The following GLIS3 variants were observed in gnomAD, a reference collection of about 807,000 sequenced individuals.
GLIS3 encodes GLIS family zinc finger 3.
In GLIS3, 53 loss-of-function variants were observed where a neutral mutation model predicts 78.6. The ratio of observed to expected loss-of-function variants is 0.67; its 90% CI spans 0.54 to 0.85. The LOEUF (loss-of-function observed/expected upper bound fraction) is 0.85. Among genes scored for constraint, GLIS3 ranks in the 40% least tolerant of loss-of-function variants. The pLI is 0.00. For synonymous variants in GLIS3, 684 were observed against 509.9 expected (o/e 1.34, Z -4.60); for missense variants, 1,703 against 1,231.1 (o/e 1.38, Z -5.74).
intron 4 of GLIS3, among the ~76,000 whole-genome samples, chr9:4,090,132 CCCTAAAACCCATTTT>C (rs1829374413): frequency 6.6e-6 from 1 of 152,104 alleles, no homozygotes; most frequent in Admixed American, 6.5e-5. Context: ...TGGATCCCAT[CCCTAAAACCCATTTT>C]AGGCAGAGTT....
intron 4 of GLIS3, chr9:4,306,116 A>G (rs1817221607): frequency 6.6e-6 from 1 of 152,014 alleles, no homozygotes; most frequent in Admixed American, 6.6e-5. Context: ...ATCTTGCTTT[A>G]TCACCCAAAC....
the GLIS3 span, among the ~76,000 whole-genome samples, chr9:4,433,216 G>A: frequency 6.6e-6 from 1 of 152,188 alleles, no homozygotes; most frequent in Non-Finnish European, 1.5e-5. Flanking sequence ...CAGATCACCT[G>A]AGGTCAGGAG....
intron 2 of GLIS3, among the ~76,000 whole-genome samples, chr9:4,167,538 C>T (rs970129414): frequency 6.6e-6 from 1 of 152,144 alleles, no homozygotes; most frequent in African/African-American, 2.4e-5. Flanking sequence ...ATTCTCCATG[C>T]CTGACAGAGT....
intron 2 of GLIS3, among the ~76,000 whole-genome samples, chr9:4,346,184 A>G (rs542773677): frequency 6.6e-6 from 1 of 152,352 alleles, no homozygotes; most frequent in Non-Finnish European, 1.5e-5. Context: ...TATGAAAACT[A>G]GAGGTTTTAC....
upstream of GLIS3, among the ~76,000 whole-genome samples, chr9:4,301,517 C>G (rs552538185): frequency 1.3e-5 from 2 of 152,224 alleles, no homozygotes; most frequent in Admixed American, 6.5e-5. Flanking sequence ...TCCTCATTAA[C>G]TCCAGCCTTA....
chr9:4,477,974 A>G, the GLIS3 span, among the ~76,000 whole-genome samples: 1 of 152,228 alleles, frequency 6.6e-6, no homozygotes, highest in Non-Finnish European at 1.5e-5. Flanking sequence ...GTCCACTGAA[A>G]AGGCCCAGAA....
chr9:4,344,759 C>T (rs1366971173), intron 2 of GLIS3, among the ~76,000 whole-genome samples: 1 of 152,112 alleles, frequency 6.6e-6, no homozygotes, highest in Non-Finnish European at 1.5e-5. Context: ...AAAATAGGTC[C>T]CTTACCACAA....
the GLIS3 span, among the ~76,000 whole-genome samples, chr9:4,479,599 C>A: frequency 4.0e-5 from 6 of 148,824 alleles, no homozygotes; most frequent in Non-Finnish European, 9.0e-5. Flanking sequence ...GCTCTCAAGT[C>A]AGCACCCCTG....
At chr9:4,129,126 T>C (rs1016194427) in intron 2 of GLIS3, among the ~76,000 whole-genome samples, 21 of 152,220 alleles carry the variant, frequency 1.4e-4, no homozygotes, top group Admixed American at 4.6e-4. Context: ...CTGTGCTCAA[T>C]ACAGCCATCT....
At chr9:4,066,928 G>C (rs542278042) in intron 4 of GLIS3, among the ~76,000 whole-genome samples, 3 of 152,208 alleles carry the variant, frequency 2.0e-5, no homozygotes, top group Non-Finnish European at 4.4e-5. Context: ...CTGACACCCA[G>C]GCAGGGAGCT....
intron 4 of GLIS3, among the ~76,000 whole-genome samples, chr9:4,013,261 C>G (rs1455720806): frequency 6.6e-6 from 1 of 152,188 alleles, no homozygotes; most frequent in African/African-American, 2.4e-5. Context: ...AGCTTAAAGA[C>G]TTACGTGACA....
At chr9:3,960,118 C>T (rs886171478) in intron 4 of GLIS3, among the ~76,000 whole-genome samples, 2 of 152,138 alleles carry the variant, frequency 1.3e-5, no homozygotes, top group South Asian at 4.1e-4. Flanking sequence ...GCCTGGGCAA[C>T]AGAGCAAGAC....
chr9:4,033,282 C>G (rs920173355), intron 4 of GLIS3, among the ~76,000 whole-genome samples: 1 of 152,144 alleles, frequency 6.6e-6, no homozygotes, highest in Non-Finnish European at 1.5e-5. Flanking sequence ...AAGGGTATTT[C>G]TCCCTCACCC....
chr9:4,269,675 T>A (rs1826330643), intron 2 of GLIS3, among the ~76,000 whole-genome samples: 1 of 152,218 alleles, frequency 6.6e-6, no homozygotes, highest in African/African-American at 2.4e-5. Flanking sequence ...ATTATATTGC[T>A]TTTACAGTTC....
chr9:4,404,505 A>C, the GLIS3 span, among the ~76,000 whole-genome samples: 420 of 152,202 alleles, frequency 2.8e-3, 2 homozygotes, highest in African/African-American at 9.5e-3. Context: ...AAAAATTAAA[A>C]TAATATCAAG....
chr9:3,829,035 G>A (rs1370092672), intron 10 of GLIS3, among the ~76,000 whole-genome samples: 2 of 152,114 alleles, frequency 1.3e-5, no homozygotes, highest in Non-Finnish European at 2.9e-5. Flanking sequence ...AGGGCAGAAT[G>A]GTAAAGATGA....
intron 4 of GLIS3, among the ~76,000 whole-genome samples, chr9:4,307,809 G>A (rs1364054763): frequency 1.3e-5 from 2 of 152,118 alleles, no homozygotes; most frequent in African/African-American, 4.8e-5. Flanking sequence ...AGCTGGAAAA[G>A]CAATGGAATA....
chr9:4,092,292 C>T lies in GLIS3; in HGVS notation c.1710+25476G>A, dbSNP rs149649072. Among the ~76,000 whole-genome samples the T allele has an allele frequency of 7.0e-3, 1,058 of 151,918 alleles. 9 individuals are homozygous for T. Among genetic ancestry groups the T allele is most frequent in the Non-Finnish European group, 9.9e-3 (670 of 67,936 alleles). ...TCAGCCTCCCGAGTAGCTGGGACTACAGGCGCCCACCACCATGCCTGGCTC... is the reference window on the plus strand; with the variant it reads ...TCAGCCTCCCGAGTAGCTGGGACTATAGGCGCCCACCACCATGCCTGGCTC... On this transcript the variant is annotated intron_variant, in intron 4 of 10. Transcript: ENST00000381971.
chr9:3,997,705 G>A (rs1041551414), intron 4 of GLIS3, among the ~76,000 whole-genome samples: 1 of 151,774 alleles, frequency 6.6e-6, no homozygotes, highest in African/African-American at 2.4e-5. Context: ...AAGCATAAAG[G>A]AACTTGTTAA....
Sources: gnomAD v4.1 joint callset for allele counts (sites outside exome capture counted in the v4.1 genomes callset) on GRCh38, gnomAD v4.1.1 for gene constraint, MANE v1.5 for transcripts, NCBI Gene and HGNC (gene_info 2026-07-23, HGNC 2026-07-21) for gene names.